The following MAP3K9 variants were observed in gnomAD, a reference collection of about 807,000 sequenced individuals.
The protein encoded by MAP3K9 is mitogen-activated protein kinase kinase kinase 9.
Under a neutral mutation model 95.8 loss-of-function variants are expected in MAP3K9, and 46 were observed. That is an observed-to-expected ratio of 0.48 (90% CI 0.38 to 0.61). The LOEUF is 0.61. Among genes scored for constraint, MAP3K9 ranks in the 20% least tolerant of loss-of-function variants. MAP3K9 has a pLI of 0.00. For synonymous variants in MAP3K9, 533 were observed against 593.8 expected, an observed-to-expected ratio of 0.90 and a Z score of 1.49; for missense variants, 1,296 against 1,474.3, an observed-to-expected ratio of 0.88 and a Z score of 1.98.
chr14:70,746,473 A>G (rs61988427), intron 5 of MAP3K9, among the ~76,000 whole-genome samples: 34,530 of 152,220 alleles, frequency 0.23, 4,229 homozygotes, highest in South Asian at 0.38. Flanking sequence ...TCCAGAGAGA[A>G]AGCACATCTT....
In MAP3K9 at chr14:70,800,845, G is replaced by A. The variant is rs2054920784; in HGVS notation, c.642C>T (p.Pro214=). ...IALRGVCLKE[P]NLCLVMEFAR... is the part of the protein sequence containing the mutation. ...CAAACTCCATGACCAAGCAGAGGTT[G>A]GGCTCCTTCAGACATACCCCTCTTA... The change falls in exon 2 of 12, where the codon CCC becomes CCT. Residue 214 remains proline, a synonymous_variant. Coordinates refer to ENST00000554752, the MANE Select transcript of MAP3K9 (RefSeq NM_001284230.2). The A allele has an allele frequency of 6.2e-7, 1 of 1,614,058 alleles. No individual in the cohort carries two copies. The highest frequency in any genetic ancestry group is 8.5e-7 in the Non-Finnish European group (1 of 1,180,040).
chr14:70,762,462 T>C (rs1420977533), intron 2 of MAP3K9, among the ~76,000 whole-genome samples: 1 of 152,230 alleles, frequency 6.6e-6, no homozygotes, highest in Non-Finnish European at 1.5e-5. Flanking sequence ...TGGTAACTCA[T>C]TGTGGTTTGG....
chr14:70,734,297 G>C (rs1404165897), intron 10 of MAP3K9, 89 bp downstream of exon 10: 2 of 852,590 alleles, frequency 2.3e-6, no homozygotes, highest in African/African-American at 3.3e-5. Flanking sequence ...AGCAGTGCTA[G>C]GGGTCCTTAA....
intron 7 of MAP3K9, among the ~76,000 whole-genome samples, chr14:70,739,408 G>A (rs971840725): frequency 6.6e-6 from 1 of 151,972 alleles, no homozygotes; most frequent in African/African-American, 2.4e-5. Context: ...GGGATTACAG[G>A]CATAAGCCAC....
intron 5 of MAP3K9, among the ~76,000 whole-genome samples, chr14:70,744,468 T>C (rs933245249): frequency 3.3e-5 from 5 of 152,242 alleles, no homozygotes; most frequent in African/African-American, 9.6e-5. Flanking sequence ...AATATAAATA[T>C]GTTTCCAGGG....
intron 1 of MAP3K9, among the ~76,000 whole-genome samples, chr14:70,801,327 G>C (rs1427170421): frequency 6.6e-6 from 1 of 152,112 alleles, no homozygotes; most frequent in Non-Finnish European, 1.5e-5. Flanking sequence ...AATCCCACCT[G>C]GAAAATCATG....
intron 2 of MAP3K9, among the ~76,000 whole-genome samples, chr14:70,764,482 G>C (rs143439271): frequency 2.4e-4 from 36 of 151,834 alleles, no homozygotes; most frequent in East Asian, 2.1e-3. Flanking sequence ...GTTTCTTCTG[G>C]AACCTATGCC....
chr14:70,735,466 C>T (rs1350931871), intron 9 of MAP3K9, among the ~76,000 whole-genome samples: 4 of 151,064 alleles, frequency 2.6e-5, no homozygotes, highest in Non-Finnish European at 4.4e-5. Flanking sequence ...CCAACTTTTT[C>T]GCTGTTCAGA....
At chr14:70,803,338 A>T (rs1475909912) in intron 1 of MAP3K9, among the ~76,000 whole-genome samples, 1 of 27,018 alleles carries the variant, frequency 3.7e-5, no homozygotes, top group Admixed American at 3.5e-4. Context: ...TTCAGATCTT[A>T]AAAAAAAAAA....
At position 70,764,578 on chromosome 14, in the gene MAP3K9, C is replaced by A. The variant is rs541022111; in HGVS notation, c.821-3396G>T. Among the ~76,000 whole-genome samples the A allele has an allele frequency of 2.0e-5, 3 of 150,150 alleles. No individual in the cohort carries two copies. In the South Asian group the frequency reaches 6.3e-4, roughly 32 times the overall value. The stretch of plus-strand genomic sequence containing the variant: ...GAGGGTGGTGGCTCATGCCTGTAAT[C>A]CCAGCACTTTGGGAGGTCAAGGTGG... On this transcript the variant is annotated intron_variant, in intron 2 of 11. Coordinates refer to ENST00000554752, the MANE Select transcript of MAP3K9 (RefSeq NM_001284230.2).
chr14:70,766,777 G>A (rs138527549), intron 2 of MAP3K9, among the ~76,000 whole-genome samples: 108 of 152,238 alleles, frequency 7.1e-4, no homozygotes, highest in African/African-American at 2.4e-3. Flanking sequence ...GTGCCATGCC[G>A]TACAGAGGCC....
chr14:70,805,473 G>A (rs531603412), intron 1 of MAP3K9, among the ~76,000 whole-genome samples: 3 of 152,140 alleles, frequency 2.0e-5, no homozygotes, highest in Non-Finnish European at 4.4e-5. Flanking sequence ...GAGCTCCTGG[G>A]TTATTTATAC....
In MAP3K9 at chr14:70,789,512, C is replaced by A. The variant is rs144426318; in HGVS notation, c.820+11155G>T. 9.2e-3 allele frequency among the ~76,000 whole-genome samples: 1,404 copies of A among 152,300 alleles called. 8 individuals are homozygous for A. Among genetic ancestry groups the A allele is most frequent in the African/African-American group, 0.025 (1,035 of 41,566 alleles). On this transcript the variant is annotated intron_variant, in intron 2 of 11. Transcript: ENST00000554752. Reference sequence around the variant, plus strand: ...ACTGACACATAATAGCTCATATCATCTTAAAACAGTACTGCTCATTTCTGT... The same window carrying A: ...ACTGACACATAATAGCTCATATCATATTAAAACAGTACTGCTCATTTCTGT...
intron 5 of MAP3K9, among the ~76,000 whole-genome samples, chr14:70,744,281 C>T (rs1422572189): frequency 2.0e-5 from 3 of 151,492 alleles, no homozygotes; most frequent in East Asian, 3.9e-4. Flanking sequence ...CACCATGGCA[C>T]GTGTATGTAA....
chr14:70,753,942 C>T (rs1184099751), intron 3 of MAP3K9, among the ~76,000 whole-genome samples: 1 of 152,110 alleles, frequency 6.6e-6, no homozygotes, highest in Admixed American at 6.5e-5. Flanking sequence ...TTGTAGTAAC[C>T]TGCACCATCT....
intron 2 of MAP3K9, among the ~76,000 whole-genome samples, chr14:70,788,576 A>G (rs2054772710): frequency 6.6e-6 from 1 of 152,218 alleles, no homozygotes; most frequent in Non-Finnish European, 1.5e-5. Context: ...CACAGTTCAC[A>G]TGGGCTCATC....
intron 2 of MAP3K9, among the ~76,000 whole-genome samples, chr14:70,767,201 T>C (rs1295455069): frequency 6.6e-6 from 1 of 151,762 alleles, no homozygotes; most frequent in Non-Finnish European, 1.5e-5. Context: ...CTGGCCAACA[T>C]AGCAAAACCC....
chr14:70,760,501 T>C (rs910801557), intron 3 of MAP3K9, among the ~76,000 whole-genome samples: 7 of 152,194 alleles, frequency 4.6e-5, no homozygotes, highest in Non-Finnish European at 8.8e-5. Context: ...ATGAACTAGA[T>C]AACTGGAAAA....
Position 70,730,054 on chromosome 14 carries a change from A to T in MAP3K9, c.*326T>A. On this transcript the variant is annotated 3_prime_UTR_variant, in exon 12 of 12. Transcript: ENST00000554752. ...CAACTGGCTGAGGAGAGGGAGCAGC[A>T]GACAGATTTGGCTGAGTGACTCTGC... 1 of 293,718 alleles carries T rather than the reference A, an allele frequency of 3.4e-6. No individual in the cohort carries two copies. The highest frequency in any genetic ancestry group is 6.4e-6 in the Non-Finnish European group (1 of 155,072). 18.2% of individuals were successfully genotyped at this position (293,718 alleles called of 1,614,324 possible). A position where few individuals can be genotyped will look rare whatever the true frequency, so the allele number is the denominator to read the frequency against.
Sources: allele counts gnomAD v4.1 joint callset (sites outside exome capture counted in the v4.1 genomes callset), GRCh38; gene constraint gnomAD v4.1.1; transcripts MANE v1.5; gene names NCBI Gene and HGNC (gene_info 2026-07-23, HGNC 2026-07-21).